RAI1: variants seen among roughly 807,000 people sequenced by gnomAD.
The protein encoded by RAI1 is retinoic acid induced 1.
RAI1 carries 9 observed loss-of-function variants against 123.8 expected under a neutral mutation model. The ratio of observed to expected loss-of-function variants is 0.07; its 90% CI spans 0.04 to 0.13. RAI1 has a LOEUF of 0.13. Ranked by LOEUF, RAI1 falls within the 10% of genes least tolerant of loss-of-function variation. RAI1 has a pLI of 1.00. For synonymous variants in RAI1, 1,231 were observed against 1,127.3 expected (o/e 1.09, Z -1.84); for missense variants, 2,256 against 2,545.8 (o/e 0.89, Z 2.45).
At chr17:17,734,267 C>T (rs745314522) in intron 2 of RAI1, among the ~76,000 whole-genome samples, 10 of 147,886 alleles carry the variant, frequency 6.8e-5, no homozygotes, top group South Asian at 2.1e-4. Flanking sequence ...ATAGCGAGAC[C>T]CTCTCTCTAC....
rs759857916 is a variant in RAI1 at position 17,736,597 on chromosome 17, T to C, written c.-17+12438T>C. On this transcript the variant is annotated intron_variant, in intron 2 of 5. Coordinates refer to ENST00000353383, the MANE Select transcript of RAI1 (RefSeq NM_030665.4). ...ACACTTCCAGATAGGAGCTGGAACA[T>C]TTCCAGAAATGGAATGTTTTTAGAA... Among the ~76,000 whole-genome samples, 3 of 152,070 alleles carry C rather than the reference T, an allele frequency of 2.0e-5. No homozygotes were observed. In the South Asian group the frequency reaches 6.3e-4, roughly 32 times the overall value.
rs749561945 is a variant in RAI1, at chr17:17,795,650, A to AGGAGGAGGT, written c.2713_2721dup (p.Glu905_Val907dup). The AGGAGGAGGT allele has an allele frequency of 2.5e-6, 4 of 1,613,280 alleles. No individual in the cohort carries two copies. The South Asian group carries it at 3.3e-5, about 13-fold the overall frequency. Reference sequence around the variant, plus strand: ...CCCAAGGCCCCACTCATCTGCACCAAGGAGGAGGTGGAGGAGGTGCTGGAC... The same window carrying AGGAGGAGGT: ...CCCAAGGCCCCACTCATCTGCACCAAGGAGGAGGTGGAGGAGGTGGAGGAGGTGCTGGAC... On this transcript the variant is annotated inframe_insertion, in exon 3 of 6. Coordinates refer to ENST00000353383, the MANE Select transcript of RAI1 (RefSeq NM_030665.4). The surrounding 1 kb of genome is among the most constrained non-coding windows in gnomAD (Gnocchi z 5.9).
At chr17:17,695,596 C>T (rs1915004107) in intron 1 of RAI1, among the ~76,000 whole-genome samples, 1 of 151,862 alleles carries the variant, frequency 6.6e-6, no homozygotes, top group South Asian at 2.1e-4. Context: ...GCGTAATCTC[C>T]GCTCACTGCA....
At chr17:17,717,301 C>T (rs568198404) in intron 1 of RAI1, among the ~76,000 whole-genome samples, 8 of 152,270 alleles carry the variant, frequency 5.3e-5, no homozygotes, top group East Asian at 1.9e-4. Flanking sequence ...GAGAAGAAAG[C>T]GCCTGTGAGT....
intron 1 of RAI1, among the ~76,000 whole-genome samples, chr17:17,717,947 G>T (rs540294359): frequency 8.5e-5 from 13 of 152,312 alleles, no homozygotes; most frequent in Middle Eastern, 3.4e-3. Context: ...TCATGGGATG[G>T]CCTCCTGCAG....
intron 2 of RAI1, among the ~76,000 whole-genome samples, chr17:17,757,200 G>A (rs2030472746): frequency 6.6e-6 from 1 of 152,208 alleles, no homozygotes; most frequent in Non-Finnish European, 1.5e-5. Flanking sequence ...GACAGCTGTG[G>A]AGGTGTTGGG....
chr17:17,704,254 C>T (rs938079353), intron 1 of RAI1, among the ~76,000 whole-genome samples: 1 of 152,246 alleles, frequency 6.6e-6, no homozygotes, highest in Non-Finnish European at 1.5e-5. Context: ...CTTGAAGTCT[C>T]GTTTCAGCCC....
chr17:17,808,859 A>T (rs1391277850), intron 4 of RAI1, among the ~76,000 whole-genome samples: 3 of 152,200 alleles, frequency 2.0e-5, no homozygotes. Flanking sequence ...GCAGATGCTC[A>T]AATCCAGGCT....
chr17:17,755,024 A>G (rs913400774), intron 2 of RAI1, among the ~76,000 whole-genome samples: 8 of 152,204 alleles, frequency 5.3e-5, no homozygotes, highest in African/African-American at 1.9e-4. Context: ...AGGAGAGGAA[A>G]TAGCCATAGC....
At chr17:17,687,018 C>T (rs1403814562) in intron 1 of RAI1, among the ~76,000 whole-genome samples, 5 of 152,090 alleles carry the variant, frequency 3.3e-5, no homozygotes, top group African/African-American at 4.8e-5. Context: ...GAGTCTTGCT[C>T]TGTCGCCCAG....
At chr17:17,732,340 A>G (rs1431512144) in intron 2 of RAI1, among the ~76,000 whole-genome samples, 1 of 152,202 alleles carries the variant, frequency 6.6e-6, no homozygotes, top group Non-Finnish European at 1.5e-5. Flanking sequence ...GGCCTGAAGC[A>G]GGAACAGGTT....
chr17:17,756,621 C>T (rs1412307229), intron 2 of RAI1, among the ~76,000 whole-genome samples: 2 of 150,604 alleles, frequency 1.3e-5, no homozygotes, highest in Non-Finnish European at 3.0e-5. Context: ...GTGCTAGCTT[C>T]AAATCAGAAA....
chr17:17,747,838 G>A (rs1225386540), intron 2 of RAI1, among the ~76,000 whole-genome samples: 1 of 152,330 alleles, frequency 6.6e-6, no homozygotes, highest in East Asian at 1.9e-4. Flanking sequence ...GTAGAAGCAG[G>A]AGGATCTTTG....
In RAI1 at chr17:17,810,334, A is replaced by T. The variant is rs927118462; in HGVS notation, c.*353A>T. 1 of 379,192 alleles carries T rather than the reference A, an allele frequency of 2.6e-6. No homozygotes were observed. Among genetic ancestry groups the T allele is most frequent in the Non-Finnish European group, 4.8e-6 (1 of 210,112 alleles). The allele number at this position is 379,192 out of a possible 1,614,324, so 23.5% of individuals were successfully genotyped here. The stretch of plus-strand genomic sequence containing the variant: ...TGGGAGACGGCTTTGTCCTGGGGAC[A>T]CTTTCCCTCTGGAATCTCAAGACGA... On this transcript the variant is annotated 3_prime_UTR_variant, in exon 6 of 6. Coordinates refer to ENST00000353383, the MANE Select transcript of RAI1 (RefSeq NM_030665.4). This position sits in a 1 kb window ranked among gnomAD's most constrained non-coding sequence, Gnocchi z 4.6.
intron 1 of RAI1, among the ~76,000 whole-genome samples, chr17:17,723,204 C>T (rs1915944050): frequency 6.6e-6 from 1 of 152,038 alleles, no homozygotes; most frequent in Non-Finnish European, 1.5e-5. Context: ...CGCACACAGG[C>T]GCAATCCCAC....
chr17:17,724,925 C>G (rs1916029301), intron 2 of RAI1, among the ~76,000 whole-genome samples: 1 of 152,138 alleles, frequency 6.6e-6, no homozygotes, highest in Non-Finnish European at 1.5e-5. Context: ...GCCCAGTGGC[C>G]CCCCTGCCCT....
At chr17:17,780,831 CTG>C (rs1470893907) in intron 2 of RAI1, among the ~76,000 whole-genome samples, 9 of 152,332 alleles carry the variant, frequency 5.9e-5, no homozygotes, top group South Asian at 2.1e-4. Context: ...AACCCCCACT[CTG>C]TAATGCTAGG....
At chr17:17,711,059 C>T (rs948301811) in intron 1 of RAI1, among the ~76,000 whole-genome samples, 3 of 152,188 alleles carry the variant, frequency 2.0e-5, no homozygotes, top group Non-Finnish European at 2.9e-5. Context: ...CACAGGAATG[C>T]AGCAAAATCC....
intron 1 of RAI1, among the ~76,000 whole-genome samples, chr17:17,686,541 A>G (rs1459085973): frequency 6.6e-6 from 1 of 150,672 alleles, no homozygotes; most frequent in Non-Finnish European, 1.5e-5. Flanking sequence ...GGCAAAGGAC[A>G]GATTTCGCTC....
Sources: gnomAD v4.1 joint callset for allele counts (sites outside exome capture counted in the v4.1 genomes callset) on GRCh38, gnomAD v4.1.1 for gene constraint, Gnocchi (gnomAD v3.1) non-coding constraint, MANE v1.5 for transcripts, NCBI Gene and HGNC (gene_info 2026-07-23, HGNC 2026-07-21) for gene names.